Variants in TTC7A observed in about 807,000 individuals in gnomAD.
TTC7A encodes the protein tetratricopeptide repeat domain 7A, also known as tetratricopeptide repeat protein 7A.
Under a neutral mutation model 103.7 loss-of-function variants are expected in TTC7A, and 110 were observed. That is an observed-to-expected ratio of 1.06 (90% confidence interval 0.91 to 1.24). TTC7A has a LOEUF of 1.24. Among genes scored for constraint, TTC7A ranks in the 50% most tolerant of loss-of-function variants. The probability of loss-of-function intolerance (pLI) is 0.00; values close to 1 mark genes in which losing one functional copy is unlikely to be tolerated. For synonymous variants in TTC7A, 521 were observed against 467.9 expected, an observed-to-expected ratio of 1.11 and a Z score of -1.47; for missense variants, 1,340 against 1,116.3, an observed-to-expected ratio of 1.20 and a Z score of -2.86.
chr2:46,932,726 C>G (rs1669772806), intron 2 of TTC7A, among the ~76,000 whole-genome samples: 1 of 151,658 alleles, frequency 6.6e-6, no homozygotes, highest in Non-Finnish European at 1.5e-5. Context: ...CAAGGTGAAA[C>G]CCCATCTCTG....
chr2:46,975,366 AT>A (rs1352485409), intron 4 of TTC7A, among the ~76,000 whole-genome samples: 26 of 152,048 alleles, frequency 1.7e-4, no homozygotes, highest in Admixed American at 1.7e-3. Context: ...AGGAGATTGA[AT>A]CATTTGCTCA....
chr2:46,956,475 T>C (rs1367451712), intron 2 of TTC7A: 3 of 226,026 alleles, frequency 1.3e-5, no homozygotes, highest in Non-Finnish European at 2.7e-5. Context: ...TCCCCACTTG[T>C]GTTTAGAATA....
At chr2:47,071,541 A>C (rs1210441490) in intron 19 of TTC7A, among the ~76,000 whole-genome samples, 1 of 152,226 alleles carries the variant, frequency 6.6e-6, no homozygotes, top group Non-Finnish European at 1.5e-5. Flanking sequence ...CCCGCGAGGA[A>C]GGACTGTTTC....
intron 3 of TTC7A, among the ~76,000 whole-genome samples, chr2:46,962,630 C>T (rs545837160): frequency 2.6e-5 from 4 of 152,244 alleles, no homozygotes; most frequent in Non-Finnish European, 5.9e-5. Context: ...TGGTCTGCTG[C>T]TCCTGCCATG....
At chr2:47,070,963 A>C (rs995978650) in intron 19 of TTC7A, among the ~76,000 whole-genome samples, 3 of 152,136 alleles carry the variant, frequency 2.0e-5, no homozygotes, top group Admixed American at 6.5e-5. Context: ...CGTGGGGCAC[A>C]TCCTCACCAG....
intron 18 of TTC7A, among the ~76,000 whole-genome samples, chr2:47,053,137 T>G (rs1277192294): frequency 6.6e-6 from 1 of 151,950 alleles, no homozygotes; most frequent in African/African-American, 2.4e-5. Context: ...GCAGAAACTG[T>G]CCCAGTTAGC....
At chr2:47,029,189 C>T (rs776057600) in intron 14 of TTC7A, 35 bp from the exon 15 acceptor site, 2 of 1,610,666 alleles carry the variant, frequency 1.2e-6, no homozygotes, top group Admixed American at 3.3e-5. Context: ...CAGCATGTGC[C>T]TGGGGAAGGC....
intron 16 of TTC7A, among the ~76,000 whole-genome samples, chr2:47,048,851 C>T (rs1039488433): frequency 6.6e-6 from 1 of 152,210 alleles, no homozygotes; most frequent in African/African-American, 2.4e-5. Context: ...GATCCTCCTG[C>T]CTCAGCCTCC....
In TTC7A at chr2:46,999,826, G is replaced by A. The variant is rs922579638; in HGVS notation, c.1065+4627G>A. 4.1e-6 allele frequency: 4 copies of A among 985,312 alleles called. No individual in the cohort carries two copies. The African/African-American group carries it at 7.0e-5, about 17-fold the overall frequency. The allele number at this position is 985,312 out of a possible 1,614,324, so 61.0% of individuals were successfully genotyped here. On this transcript the variant is annotated intron_variant, in intron 8 of 19. Coordinates refer to ENST00000319190, the MANE Select transcript of TTC7A (RefSeq NM_020458.4). ...CTTGGATCCCTGTTTCATTCAGCTG[G>A]CGAACAAGTTGCTGCTGTTAGAAAT...
At position 47,024,332 on chromosome 2, in the gene TTC7A, C is replaced by T. The variant is rs200124779; in HGVS notation, c.1614C>T (p.Val538=). 21 of 1,608,276 alleles carry T rather than the reference C, an allele frequency of 1.3e-5. No individual in the cohort carries two copies. In the East Asian group the frequency reaches 4.8e-4, roughly 37 times the overall value. Residue 538 remains valine (V), a synonymous_variant, in exon 14 of 20, where the codon GTC becomes GTT. Transcript: ENST00000319190. ...APSDPQVILY[V]SLQLALVRQI... ...GTGACCCCCAGGTCATCCTCTATGT[C>T]TCGCTGCAGCTGGCCCTCGTCCGAC...
chr2:46,936,697 T>A, upstream of TTC7A, among the ~76,000 whole-genome samples: 1 of 152,190 alleles, frequency 6.6e-6, no homozygotes, highest in East Asian at 1.9e-4. Context: ...GCATCATCAT[T>A]TCCCCAAAGA....
chr2:46,959,289 C>G (rs1000414556), intron 3 of TTC7A, among the ~76,000 whole-genome samples: 20 of 152,188 alleles, frequency 1.3e-4, no homozygotes, highest in African/African-American at 4.6e-4. Context: ...GTCTTGGGCT[C>G]CGTTTGATGC....
chr2:47,039,444 G>A (rs1187342988), intron 15 of TTC7A, among the ~76,000 whole-genome samples: 1 of 152,208 alleles, frequency 6.6e-6, no homozygotes, highest in African/African-American at 2.4e-5. Flanking sequence ...CACAGGGAGG[G>A]TGAGGATTGG....
intron 3 of TTC7A, chr2:46,958,405 C>A (rs1018931911): frequency 3.8e-5 from 39 of 1,023,552 alleles, no homozygotes; most frequent in Non-Finnish European, 5.2e-5. Flanking sequence ...CTGAGCGGAA[C>A]CCCCTTCCTC....
At chr2:47,013,927 T>A (rs1678342927) in intron 11 of TTC7A, among the ~76,000 whole-genome samples, 1 of 152,152 alleles carries the variant, frequency 6.6e-6, no homozygotes, top group Non-Finnish European at 1.5e-5. Context: ...GTCCCATGGG[T>A]GGCCCGAGAG....
chr2:47,019,807 G>T (rs1679081296), intron 11 of TTC7A, among the ~76,000 whole-genome samples: 1 of 152,144 alleles, frequency 6.6e-6, no homozygotes, highest in Non-Finnish European at 1.5e-5. Flanking sequence ...TATAACTTGT[G>T]CTTGGTGTTT....
intron 1 of TTC7A, among the ~76,000 whole-genome samples, chr2:46,948,530 C>G (rs139406517): frequency 6.6e-6 from 1 of 152,214 alleles, no homozygotes; most frequent in Non-Finnish European, 1.5e-5. Context: ...CAGAACGAAA[C>G]CCCCCTGCGA....
intron 4 of TTC7A, chr2:46,978,246 G>C (rs1674066764): frequency 6.5e-6 from 1 of 153,514 alleles, no homozygotes; most frequent in African/African-American, 2.4e-5. Flanking sequence ...TCCTGCAGTA[G>C]AGGGTAAGAG....
chr2:47,072,596 C>G (rs768738789), intron 19 of TTC7A, among the ~76,000 whole-genome samples: 1 of 152,198 alleles, frequency 6.6e-6, no homozygotes, highest in African/African-American at 2.4e-5. Context: ...CGTCAGTGGG[C>G]GGGCACCGGA....
Sources: allele counts gnomAD v4.1 joint callset (sites outside exome capture counted in the v4.1 genomes callset), GRCh38; gene constraint gnomAD v4.1.1; transcripts MANE v1.5; gene names NCBI Gene and HGNC (gene_info 2026-07-23, HGNC 2026-07-21).